The following PIEZO1 variants were observed in gnomAD, a reference collection of about 807,000 sequenced individuals.
PIEZO1 encodes the protein piezo type mechanosensitive ion channel component 1 (Er blood group), also known as piezo-type mechanosensitive ion channel component 1.
PIEZO1 carries 296 observed loss-of-function variants against 297.2 expected under a neutral mutation model. That is an observed-to-expected ratio of 1.00 (90% confidence interval 0.91 to 1.10). PIEZO1 has a LOEUF of 1.10. Among genes scored for constraint, PIEZO1 ranks in the 50% least tolerant of loss-of-function variants. PIEZO1 has a pLI of 0.00. For missense variants in PIEZO1, 5,018 were observed against 3,455.5 expected, an observed-to-expected ratio of 1.45 and a Z score of -11.34; for synonymous variants, 2,427 against 1,507.5, an observed-to-expected ratio of 1.61 and a Z score of -14.13.
intron 1 of PIEZO1, among the ~76,000 whole-genome samples, chr16:88,768,859 A>C (rs1907296615): frequency 6.6e-6 from 1 of 152,242 alleles, no homozygotes; most frequent in Non-Finnish European, 1.5e-5. Context: ...GGGGCACAGC[A>C]GTATTGTGGC....
At position 88,749,282 on chromosome 16, in the gene PIEZO1, C is replaced by T. The variant is rs905369694; in HGVS notation, c.160+102G>A. On this transcript the variant is annotated intron_variant, in intron 2 of 50. Coordinates refer to ENST00000301015, the MANE Select transcript of PIEZO1 (RefSeq NM_001142864.4). ...TTATTTCGGGACCCCTCATCTTCCA[C>T]CCCGGGCTGTTAAAGGTGAGGAAAG... 10 of 707,810 alleles carry T rather than the reference C, an allele frequency of 1.4e-5. No homozygotes were observed. The East Asian group carries it at 3.0e-4, about 21-fold the overall frequency. The allele number at this position is 707,810 out of a possible 1,614,324, so 43.8% of individuals were successfully genotyped here. A position where few individuals can be genotyped will look rare whatever the true frequency, so the allele number is the denominator to read the frequency against.
intron 2 of PIEZO1, among the ~76,000 whole-genome samples, chr16:88,744,826 G>C (rs552085217): frequency 1.3e-5 from 2 of 152,086 alleles, no homozygotes; most frequent in Admixed American, 1.3e-4. Flanking sequence ...GGCTGGATCA[G>C]ACTAGGGAGC....
chr16:88,726,553 A>G lies in PIEZO1; in HGVS notation c.3790T>C (p.Tyr1264His). The G allele has an allele frequency of 6.5e-7, 1 of 1,549,944 alleles. No individual in the cohort carries two copies. Among genetic ancestry groups the G allele is most frequent in the Non-Finnish European group, 8.7e-7 (1 of 1,146,620 alleles). The change falls in exon 26 of 51, where the codon TAT becomes CAT. Residue 1264 changes from tyrosine (Y) to histidine (H), a missense_variant. Coordinates refer to ENST00000301015, the MANE Select transcript of PIEZO1 (RefSeq NM_001142864.4). ...CACCGTCCTGGCCACTCACGGTCAT[A>G]GTAGCCCTTGACGGTGCATACAAGG... ...FSLVCTVKGY[Y>H]DPKEMMDRDQ... is the part of the protein sequence containing the mutation.
intron 1 of PIEZO1, among the ~76,000 whole-genome samples, chr16:88,759,768 G>A (rs904986052): frequency 3.3e-5 from 5 of 152,186 alleles, no homozygotes; most frequent in South Asian, 2.1e-4. Flanking sequence ...AAGCCAGCCC[G>A]CCCCCAGACG....
intron 1 of PIEZO1, among the ~76,000 whole-genome samples, chr16:88,763,967 T>G (rs958824036): frequency 6.6e-6 from 1 of 152,110 alleles, no homozygotes; most frequent in Non-Finnish European, 1.5e-5. Flanking sequence ...CAGGTGTGGT[T>G]GGAAGCCCGT....
intron 22 of PIEZO1, chr16:88,727,906 G>C (rs1314189936): frequency 3.0e-6 from 1 of 337,148 alleles, no homozygotes; most frequent in African/African-American, 2.1e-5. Context: ...GAGCACGGGG[G>C]TGGGGGCTGC....
rs778964539 is a variant in PIEZO1 at position 88,722,387 on chromosome 16, C to T, written c.4786G>A (p.Ala1596Thr). 1.2e-4 allele frequency: 185 copies of T among 1,503,250 alleles called. 1 individual carries two copies. The South Asian group carries it at 1.6e-3, about 13-fold the overall frequency. 93.1% of individuals were successfully genotyped at this position (1,503,250 alleles called of 1,614,324 possible). ...APSTVSSGLG[A>T]EEPLSSMTDD... ...GTCATGCTGCTGAGTGGCTCCTCCG[C>T]GCCCAGCCCACTGGGGAGGGAAGCC... Residue 1596 changes from alanine (A) to threonine (T), a missense_variant, in exon 36 of 51, where the codon GCG (alanine) becomes ACG (threonine). Ala to Thr is a moderately conservative substitution (Grantham distance 58). Transcript: ENST00000301015.
intron 1 of PIEZO1, among the ~76,000 whole-genome samples, chr16:88,775,756 AG>A (rs1402535348): frequency 6.6e-6 from 1 of 151,998 alleles, no homozygotes; most frequent in African/African-American, 2.4e-5. Context: ...AAAAGAAAAA[AG>A]ACATGGCGAA....
chr16:88,718,146 A>T (rs575927513), intron 44 of PIEZO1: 3 of 185,284 alleles, frequency 1.6e-5, no homozygotes, highest in Non-Finnish European at 1.1e-5. Context: ...GGCCAAGCAC[A>T]TGAAAAGACG....
chr16:88,737,934 C>G lies in PIEZO1; in HGVS notation c.1020G>C (p.Gln340His). The change falls in exon 8 of 51, where the codon CAG (glutamine) becomes CAC (histidine). Residue 340 changes from glutamine (Q) to histidine (H), a missense_variant and splice_region_variant. By Grantham distance (24) the Gln-to-His change is conservative (BLOSUM62 0). Transcript: ENST00000301015. ...CCCACCATGGGTGGCAGGTGCTCAC[C>G]TGGCCGGAGGGGCGGTACGCGCGGA... is the stretch of plus-strand genomic sequence containing the variant. ...RKLRAYRPSG[Q>H]RKEAAKGYEA... 24 of 1,530,152 alleles carry G rather than the reference C, an allele frequency of 1.6e-5. No homozygotes were observed. The highest frequency in any genetic ancestry group is 2.1e-5 in the Non-Finnish European group (24 of 1,142,958). 94.8% of individuals were successfully genotyped at this position (1,530,152 alleles called of 1,614,324 possible). A position where few individuals can be genotyped will look rare whatever the true frequency, so the allele number is the denominator to read the frequency against.
At chr16:88,727,288 T>A in intron 23 of PIEZO1, 96 bp from the exon 24 acceptor site, 1 of 1,346,368 alleles carries the variant, frequency 7.4e-7, no homozygotes, top group Non-Finnish European at 9.9e-7. Context: ...CCTGTCGGCG[T>A]GCAGCCGCTG....
rs530884769 is a variant in PIEZO1 at position 88,780,032 on chromosome 16, C to T, written c.64+4869G>A. ...CACTTACAGGGGAGGAAACCCAGAC[C>T]CAGAGAAGGGGGTGAGGGCCCCACA... On this transcript the variant is annotated intron_variant, in intron 1 of 50. Coordinates refer to ENST00000301015, the MANE Select transcript of PIEZO1 (RefSeq NM_001142864.4). 5.3e-5 allele frequency among the ~76,000 whole-genome samples: 8 copies of T among 152,252 alleles called. No individual in the cohort carries two copies. In the South Asian group the frequency reaches 1.7e-3, roughly 32 times the overall value.
intron 1 of PIEZO1, 25 bp from the exon 2 acceptor site, chr16:88,749,504 G>A: frequency 4.0e-6 from 6 of 1,504,160 alleles, no homozygotes; most frequent in Non-Finnish European, 5.3e-6. Context: ...GCGTTAACTA[G>A]GTCGCCAACA....
chr16:88,748,150 C>A lies in PIEZO1; in HGVS notation c.160+1234G>T, dbSNP rs570117640. On this transcript the variant is annotated intron_variant, in intron 2 of 50. Transcript: ENST00000301015. ...TCTCTTGCTGCCTACACTTGCCCTC[C>A]CTGGGGACCTTCCTTCCTTTCAGTG... 1.3e-3 allele frequency among the ~76,000 whole-genome samples: 193 copies of A among 152,346 alleles called. 1 individual carries two copies. Among genetic ancestry groups the A allele is most frequent in the African/African-American group, 4.2e-3 (174 of 41,580 alleles).
intron 1 of PIEZO1, among the ~76,000 whole-genome samples, chr16:88,760,326 G>T (rs1449826802): frequency 6.6e-6 from 1 of 152,184 alleles, no homozygotes; most frequent in Non-Finnish European, 1.5e-5. Flanking sequence ...CCTGCCTCAT[G>T]GACAAAGAAG....
At chr16:88,781,607 C>T (rs1047496371) in intron 1 of PIEZO1, among the ~76,000 whole-genome samples, 3 of 152,248 alleles carry the variant, frequency 2.0e-5, no homozygotes. Flanking sequence ...GCAGCTCCCA[C>T]CCTACTCTGC....
In PIEZO1 at chr16:88,742,403, C is replaced by T. The variant is rs147363396; in HGVS notation, c.180G>A (p.Leu60=). The change falls in exon 3 of 51, where the codon CTG becomes CTA. Residue 60 remains leucine (L), a synonymous_variant. Transcript: ENST00000301015. ...GCAGGCTGAGGCCCAGCAATGCCCGCAGGAGGCGGCCTGTGTGACCTGCGG... is the reference window on the plus strand; with the variant it reads ...GCAGGCTGAGGCCCAGCAATGCCCGTAGGAGGCGGCCTGTGTGACCTGCGG... ...CGLQGHTGRL[L]RALLGLSLLF... is the part of the protein sequence containing the mutation. 55 of 1,535,038 alleles carry T rather than the reference C, an allele frequency of 3.6e-5. No individual in the cohort carries two copies. The African/African-American group carries it at 5.5e-4, about 15-fold the overall frequency.
intron 2 of PIEZO1, chr16:88,743,869 G>T (rs987525521): frequency 3.1e-6 from 1 of 325,932 alleles, no homozygotes; most frequent in Non-Finnish European, 6.2e-6. Context: ...ACCTGTGGAG[G>T]ATGGGAGGGG....
chr16:88,717,369 G>C (rs2142752521), intron 44 of PIEZO1, 158 bp from the exon 45 acceptor site: 2 of 676,282 alleles, frequency 3.0e-6, no homozygotes, highest in East Asian at 5.4e-5. Flanking sequence ...CAGTGGAGTA[G>C]AACTAAGAGT....
Sources: gnomAD v4.1 joint callset for allele counts (sites outside exome capture counted in the v4.1 genomes callset) on GRCh38, gnomAD v4.1.1 for gene constraint, MANE v1.5 for transcripts, NCBI Gene and HGNC (gene_info 2026-07-23, HGNC 2026-07-21) for gene names.